Variants in TMIGD3 observed in about 807,000 individuals in gnomAD.
TMIGD3 encodes transmembrane and immunoglobulin domain containing 3.
Under a neutral mutation model 28.1 loss-of-function variants are expected in TMIGD3, and 21 were observed. The ratio of observed to expected loss-of-function variants is 0.75; its 90% CI spans 0.53 to 1.08. The LOEUF (loss-of-function observed/expected upper bound fraction) is 1.08, where lower values mean the gene tolerates loss of function less well. TMIGD3 is among the 50% of genes least tolerant of loss of function. TMIGD3 has a pLI of 0.00. For synonymous variants in TMIGD3, 151 were observed against 162.1 expected, an observed-to-expected ratio of 0.93 and a Z score of 0.52; for missense variants, 416 against 435.6, an observed-to-expected ratio of 0.96 and a Z score of 0.40.
intron 1 of TMIGD3, among the ~76,000 whole-genome samples, chr1:111,547,350 T>C (rs966056635): frequency 6.6e-6 from 1 of 152,124 alleles, no homozygotes; most frequent in Admixed American, 6.5e-5. Flanking sequence ...ATTGAGATGA[T>C]GATTTTTTTC....
chr1:111,504,135 G>A, upstream of TMIGD3: 1 of 985,330 alleles, frequency 1.0e-6, no homozygotes, highest in Non-Finnish European at 1.2e-6. Flanking sequence ...TGGTCAAAGG[G>A]ATAAGCAAAG....
chr1:111,503,967 A>T, upstream of TMIGD3: 1 of 985,464 alleles, frequency 1.0e-6, no homozygotes, highest in Non-Finnish European at 1.2e-6. Flanking sequence ...TAGCAAAAAG[A>T]TCTCATGATA....
At position 111,561,778 on chromosome 1, in the gene TMIGD3, G is replaced by C. The variant is rs77883661; in HGVS notation, c.107+2068C>G. Among the ~76,000 whole-genome samples the C allele has an allele frequency of 6.4e-3, 978 of 152,242 alleles. 4 individuals are homozygous for C. Among genetic ancestry groups the C allele is most frequent in the Non-Finnish European group, 9.5e-3 (645 of 68,016 alleles). On this transcript the variant is annotated intron_variant, in intron 1 of 5. Coordinates refer to the TMIGD3 transcript ENST00000369717. The stretch of plus-strand genomic sequence containing the variant: ...TGTGTGTGTACGTATAATTGGAAGA[G>C]GGCCCTGTGTTGGGTCCATTCTGTC...
intron 1 of TMIGD3, among the ~76,000 whole-genome samples, chr1:111,562,070 T>A (rs1657763343): frequency 6.6e-6 from 1 of 152,174 alleles, no homozygotes; most frequent in Non-Finnish European, 1.5e-5. Context: ...CACCCCACCC[T>A]GTGATTCAAT....
chr1:111,557,383 C>T (rs1014459105), intron 1 of TMIGD3, among the ~76,000 whole-genome samples: 3 of 151,876 alleles, frequency 2.0e-5, no homozygotes, highest in African/African-American at 4.8e-5. Context: ...CCTGTCTCTA[C>T]TAAAAATACA....
intron 2 of TMIGD3, chr1:111,489,677 C>A (rs1483546501): frequency 2.7e-6 from 3 of 1,128,402 alleles, no homozygotes; most frequent in East Asian, 9.0e-5. Flanking sequence ...GTTAGGAGGC[C>A]CTCTGTCCCT....
intron 5 of TMIGD3, 119 bp from the exon 6 acceptor site, chr1:111,483,876 G>A: frequency 1.3e-6 from 1 of 749,010 alleles, no homozygotes. Context: ...CTAAACACAA[G>A]TTTATTTTCA....
chr1:111,514,637 T>C (rs1372555342), intron 1 of TMIGD3, among the ~76,000 whole-genome samples: 1 of 76,102 alleles, frequency 1.3e-5, no homozygotes, highest in Non-Finnish European at 2.9e-5. Flanking sequence ...GTGCATACAG[T>C]ATGGGAACAC....
chr1:111,561,540 C>T (rs914054654), intron 1 of TMIGD3, among the ~76,000 whole-genome samples: 3 of 152,114 alleles, frequency 2.0e-5, no homozygotes, highest in African/African-American at 7.2e-5. Flanking sequence ...GGAGGAAATA[C>T]AGACTGAGAT....
At chr1:111,504,071 G>A (rs1014156849), upstream of TMIGD3, 8 of 985,312 alleles carry the variant, frequency 8.1e-6, no homozygotes, top group African/African-American at 7.0e-5. Context: ...GTTCTTGCAC[G>A]AGTTGACGCT....
intron 1 of TMIGD3, chr1:111,499,952 A>G (rs201053017): frequency 1.6e-4 from 258 of 1,613,594 alleles, no homozygotes; most frequent in Non-Finnish European, 2.1e-4. Context: ...ATGGATAACT[A>G]CTCAGAATTC....
intron 5 of TMIGD3, among the ~76,000 whole-genome samples, chr1:111,484,030 T>C (rs1339500389): frequency 6.6e-6 from 1 of 152,208 alleles, no homozygotes. Context: ...GAGCCTTGGT[T>C]CAGGCTGCCA....
intron 1 of TMIGD3, among the ~76,000 whole-genome samples, chr1:111,497,087 C>T (rs1050960295): frequency 8.5e-5 from 13 of 152,106 alleles, no homozygotes; most frequent in Non-Finnish European, 1.6e-4. Context: ...AAGAGGGGTT[C>T]CCAGGAGATT....
chr1:111,554,779 G>A (rs1261559153), intron 1 of TMIGD3, among the ~76,000 whole-genome samples: 1 of 152,086 alleles, frequency 6.6e-6, no homozygotes, highest in African/African-American at 2.4e-5. Flanking sequence ...ATTCAGGTTG[G>A]TAGACCCCAA....
intron 1 of TMIGD3, among the ~76,000 whole-genome samples, chr1:111,563,665 A>G (rs1657835375): frequency 6.6e-6 from 1 of 152,220 alleles, no homozygotes; most frequent in African/African-American, 2.4e-5. Flanking sequence ...TTTCACGTAT[A>G]TTATGTCACA....
rs1331347948 is a variant in TMIGD3, at chr1:111,502,334, A to G, written c.350+671T>C. 3.6e-5 allele frequency among the ~76,000 whole-genome samples: 5 copies of G among 139,388 alleles called. No homozygotes were observed. The East Asian group carries it at 1.0e-3, about 28-fold the overall frequency. 91.4% of individuals were successfully genotyped at this position (139,388 alleles called of 152,430 possible). The stretch of plus-strand genomic sequence containing the variant: ...TATAATGAATATATATAGGATACAT[A>G]TATTTATTATAATGAATATATATAG... On this transcript the variant is annotated intron_variant, in intron 1 of 5. Transcript: ENST00000369716.
At chr1:111,496,741 A>G (rs1029955348) in intron 1 of TMIGD3, among the ~76,000 whole-genome samples, 1 of 152,204 alleles carries the variant, frequency 6.6e-6, no homozygotes, top group Non-Finnish European at 1.5e-5. Context: ...TCGTGTTTTT[A>G]TGCTACTATA....
rs1654753482 is a variant in TMIGD3 at position 111,493,359 on chromosome 1, T to C, written c.351-2597A>G. On this transcript the variant is annotated intron_variant, in intron 1 of 5. Coordinates refer to ENST00000369716, the MANE Select transcript of TMIGD3 (RefSeq NM_020683.7). Reference sequence around the variant, plus strand: ...ATCTATTAGTTCCCATGAGAGCTGATTGTTTCAGAGAGTCTGGCACCTCCC... The same window carrying C: ...ATCTATTAGTTCCCATGAGAGCTGACTGTTTCAGAGAGTCTGGCACCTCCC... 2.6e-5 allele frequency among the ~76,000 whole-genome samples: 4 copies of C among 152,248 alleles called. No individual in the cohort carries two copies. The South Asian group carries it at 8.3e-4, about 32-fold the overall frequency.
At chr1:111,516,388 G>A (rs1655868597) in intron 1 of TMIGD3, among the ~76,000 whole-genome samples, 1 of 152,196 alleles carries the variant, frequency 6.6e-6, no homozygotes. Context: ...AGCAGAGGCC[G>A]GGCTTGGAGC....
Sources: gnomAD v4.1 joint callset for allele counts (sites outside exome capture counted in the v4.1 genomes callset) on GRCh38, gnomAD v4.1.1 for gene constraint, MANE v1.5 for transcripts, NCBI Gene and HGNC (gene_info 2026-07-23, HGNC 2026-07-21) for gene names.